The following BTBD10 variants were observed in gnomAD, a reference collection of about 807,000 sequenced individuals.
BTBD10 encodes the protein BTB domain containing 10.
BTBD10 carries 21 observed loss-of-function variants against 53.2 expected under a neutral mutation model. The ratio of observed to expected loss-of-function variants is 0.39; its 90% CI spans 0.28 to 0.57. The LOEUF (loss-of-function observed/expected upper bound fraction) is 0.57. Among genes scored for constraint, BTBD10 ranks in the 20% least tolerant of loss-of-function variants. The probability of loss-of-function intolerance (pLI) is 0.53; values close to 1 mark genes in which losing one functional copy is unlikely to be tolerated. For missense variants in BTBD10, 360 were observed against 594.7 expected (o/e 0.61, Z 4.10); for synonymous variants, 149 against 192.7 (o/e 0.77, Z 1.88).
At chr11:13,440,987 TC>T (rs1405718766) in intron 2 of BTBD10, among the ~76,000 whole-genome samples, 21 of 152,160 alleles carry the variant, frequency 1.4e-4, no homozygotes, top group African/African-American at 4.3e-4. Context: ...TTTAACATCT[TC>T]AGCAGGCTAC....
At chr11:13,400,050 G>C (rs949037021) in intron 8 of BTBD10, among the ~76,000 whole-genome samples, 4 of 152,224 alleles carry the variant, frequency 2.6e-5, no homozygotes, top group African/African-American at 9.6e-5. Context: ...TGTGTGCTGG[G>C]AGAACCACTA....
intron 8 of BTBD10, among the ~76,000 whole-genome samples, chr11:13,397,800 C>T (rs1200582575): frequency 6.6e-6 from 1 of 152,128 alleles, no homozygotes; most frequent in African/African-American, 2.4e-5. Context: ...TCGTTATGTA[C>T]CCAGTAGTCA....
At position 13,445,348 on chromosome 11, in the gene BTBD10, GTCT is replaced by G. The variant is rs370980921; in HGVS notation, c.-57-170_-57-168del. Among the ~76,000 whole-genome samples, 354 of 152,172 alleles carry G rather than the reference GTCT, an allele frequency of 2.3e-3. 3 individuals are homozygous for G. The highest frequency in any genetic ancestry group is 7.8e-3 in the African/African-American group (325 of 41,528). On this transcript the variant is annotated intron_variant, in intron 1 of 8. Coordinates refer to ENST00000278174, the MANE Select transcript of BTBD10 (RefSeq NM_032320.7). The stretch of plus-strand genomic sequence containing the variant: ...AATCAAATTAAAATAAACACCAGGG[GTCT>G]TCTTAAGTACTTTTCATTTGATTTG...
chr11:13,405,648 A>G lies in BTBD10; in HGVS notation c.1006+11T>C. On this transcript the variant is annotated intron_variant, in intron 7 of 8. Transcript: ENST00000278174. ...TGATTCAGGGGAGAGAAAACATGCCAGAGTACGTACTTTGTGAATATTCTT... is the reference window on the plus strand; with the variant it reads ...TGATTCAGGGGAGAGAAAACATGCCGGAGTACGTACTTTGTGAATATTCTT... 1 of 1,612,926 alleles carries G rather than the reference A, an allele frequency of 6.2e-7. No homozygotes were observed. The highest frequency in any genetic ancestry group is 8.5e-7 in the Non-Finnish European group (1 of 1,179,138).
At chr11:13,410,982 A>G (rs1377258665) in intron 6 of BTBD10, among the ~76,000 whole-genome samples, 1 of 152,214 alleles carries the variant, frequency 6.6e-6, no homozygotes, top group Admixed American at 6.5e-5. Context: ...TTTTAAAGAG[A>G]ATGTTTTTGA....
At chr11:13,414,098 T>A (rs1950032488) in intron 5 of BTBD10, among the ~76,000 whole-genome samples, 2 of 152,220 alleles carry the variant, frequency 1.3e-5, no homozygotes, top group Admixed American at 6.5e-5. Context: ...TGTGAGGTTT[T>A]TAGTACAGAA....
intron 8 of BTBD10, among the ~76,000 whole-genome samples, chr11:13,395,170 G>A (rs1400089418): frequency 2.7e-5 from 4 of 149,546 alleles, no homozygotes; most frequent in Admixed American, 6.8e-5. Context: ...CAGTGTAAAA[G>A]TGTTCCTATT....
At chr11:13,409,699 T>C (rs1291246504) in intron 6 of BTBD10, among the ~76,000 whole-genome samples, 2 of 152,206 alleles carry the variant, frequency 1.3e-5, no homozygotes, top group African/African-American at 4.8e-5. Context: ...ACTTAGATAA[T>C]GATTCTCCAC....
intron 6 of BTBD10, among the ~76,000 whole-genome samples, chr11:13,413,172 A>T (rs925292026): frequency 6.6e-6 from 1 of 152,178 alleles, no homozygotes; most frequent in Non-Finnish European, 1.5e-5. Flanking sequence ...AAAAATTATA[A>T]ATTTTTGGAT....
chr11:13,413,585 T>C lies in BTBD10; in HGVS notation c.753A>G (p.Ala251=). The C allele has an allele frequency of 6.2e-7, 1 of 1,611,218 alleles. No homozygotes were observed. Residue 251 remains alanine, a synonymous_variant, in exon 6 of 9, where the codon GCA becomes GCG. Coordinates refer to ENST00000278174, the MANE Select transcript of BTBD10 (RefSeq NM_032320.7). ...DGISIPELRE[A]CDYLCISFEY... is the part of the protein sequence containing the mutation. ...CAAAAGAGATACAAAGATAGTCACA[T>C]GCTTCTCTCAGTTCAGGAATAGATA...
intron 8 of BTBD10, among the ~76,000 whole-genome samples, chr11:13,389,573 A>G (rs374967049): frequency 1.3e-5 from 2 of 152,070 alleles, no homozygotes; most frequent in African/African-American, 4.8e-5. Context: ...GATTACAGGC[A>G]TGTGCCACCA....
intron 2 of BTBD10, among the ~76,000 whole-genome samples, chr11:13,428,239 C>G (rs541515197): frequency 3.3e-5 from 5 of 152,126 alleles, no homozygotes; most frequent in Non-Finnish European, 7.4e-5. Flanking sequence ...TACAAAAAAG[C>G]TCACTTAAGA....
intron 2 of BTBD10, chr11:13,440,126 C>T (rs748666559): frequency 1.3e-6 from 2 of 1,511,620 alleles, no homozygotes; most frequent in South Asian, 1.2e-5. Context: ...TTAGCTTCCT[C>T]CCTCTACTGT....
chr11:13,446,711 CTG>C lies in BTBD10; in HGVS notation c.-57-1532_-57-1531del, dbSNP rs1477175025. On this transcript the variant is annotated intron_variant, in intron 1 of 8. Transcript: ENST00000278174. ...CTATTTGTTATTTCCTTAAGAATGA[CTG>C]TATCATAAATCAATCAGGTATTAGA... 5.9e-5 allele frequency among the ~76,000 whole-genome samples: 9 copies of C among 151,950 alleles called. No individual in the cohort carries two copies. The East Asian group carries it at 1.7e-3, about 29-fold the overall frequency.
chr11:13,424,148 A>G (rs1950293487), intron 2 of BTBD10, among the ~76,000 whole-genome samples: 1 of 152,222 alleles, frequency 6.6e-6, no homozygotes, highest in Non-Finnish European at 1.5e-5. Flanking sequence ...CTGGCAGCTA[A>G]GTTTTCATCA....
intron 2 of BTBD10, among the ~76,000 whole-genome samples, chr11:13,439,394 C>A (rs894706323): frequency 2.0e-5 from 3 of 152,078 alleles, no homozygotes; most frequent in Non-Finnish European, 4.4e-5. Flanking sequence ...GAAAGAAAGT[C>A]ACTTTAACCA....
chr11:13,458,474 T>C (rs1205019880), intron 1 of BTBD10, among the ~76,000 whole-genome samples: 1 of 152,140 alleles, frequency 6.6e-6, no homozygotes, highest in Non-Finnish European at 1.5e-5. Context: ...TGCAACCCAC[T>C]AGGGGGAATC....
intron 8 of BTBD10, among the ~76,000 whole-genome samples, chr11:13,398,143 G>A (rs1400678588): frequency 2.0e-5 from 3 of 151,852 alleles, no homozygotes; most frequent in African/African-American, 7.3e-5. Context: ...ACAGTGGGGT[G>A]TTAAAGTCTC....
intron 6 of BTBD10, among the ~76,000 whole-genome samples, chr11:13,408,041 C>T (rs1451486418): frequency 6.6e-6 from 1 of 152,184 alleles, no homozygotes; most frequent in Non-Finnish European, 1.5e-5. Context: ...CCCATCAATT[C>T]TTCACAGATG....
Sources: gnomAD v4.1 joint callset for allele counts (sites outside exome capture counted in the v4.1 genomes callset) on GRCh38, gnomAD v4.1.1 for gene constraint, MANE v1.5 for transcripts, NCBI Gene and HGNC (gene_info 2026-07-23, HGNC 2026-07-21) for gene names.